CATSPERD: variants seen among roughly 807,000 people sequenced by gnomAD.
CATSPERD encodes the protein cation channel sperm-associated auxiliary subunit delta.
CATSPERD carries 86 observed loss-of-function variants against 98.1 expected under a neutral mutation model. That is an observed-to-expected ratio of 0.88 (90% CI 0.74 to 1.05). The LOEUF is 1.05. CATSPERD is among the 50% of genes least tolerant of loss of function. The probability of loss-of-function intolerance (pLI) is 0.00; values close to 1 mark genes in which losing one functional copy is unlikely to be tolerated. For synonymous variants in CATSPERD, 394 were observed against 390.2 expected (o/e 1.01, Z -0.12); for missense variants, 995 against 1,005.7 (o/e 0.99, Z 0.14).
intron 13 of CATSPERD, among the ~76,000 whole-genome samples, chr19:5,756,038 T>C (rs1427940275): frequency 6.6e-6 from 1 of 152,034 alleles, no homozygotes; most frequent in East Asian, 1.9e-4. Flanking sequence ...CCCAGCACTT[T>C]GGGAGGCCAA....
chr19:5,776,040 G>C, intron 20 of CATSPERD, 121 bp from the exon 21 acceptor site: 3 of 1,061,196 alleles, frequency 2.8e-6, no homozygotes, highest in South Asian at 3.1e-5. Flanking sequence ...TGGCCCCAGA[G>C]TCCCACCCAT....
At chr19:5,720,871 C>T in intron 1 of CATSPERD, 63 bp downstream of exon 1, 2 of 1,422,650 alleles carry the variant, frequency 1.4e-6, no homozygotes, top group Non-Finnish European at 9.5e-7. Flanking sequence ...GCTGGTTCAT[C>T]TTGGAGCCGA....
intron 18 of CATSPERD, among the ~76,000 whole-genome samples, chr19:5,768,446 C>T (rs570183636): frequency 1.3e-5 from 2 of 152,088 alleles, no homozygotes; most frequent in Non-Finnish European, 2.9e-5. Flanking sequence ...ACACCATTCT[C>T]CCGCCTCAGC....
chr19:5,768,232 A>T lies in CATSPERD; in HGVS notation c.1624A>T (p.Ile542Phe). 6.2e-7 allele frequency: 1 copy of T among 1,613,196 alleles called. No homozygotes were observed. Among genetic ancestry groups the T allele is most frequent in the Non-Finnish European group, 8.5e-7 (1 of 1,179,374 alleles). ...PLTLQDNYSF[I>F]IEKEFYDPGF... ...GACCCTGCAAGACAATTACAGCTTCATCATCGAGAAGTAAGCCAGCGTCCC... is the reference window on the plus strand; with the variant it reads ...GACCCTGCAAGACAATTACAGCTTCTTCATCGAGAAGTAAGCCAGCGTCCC... Residue 542 changes from isoleucine to phenylalanine, a missense_variant, in exon 18 of 22, where the codon ATC becomes TTC. Ile to Phe is a conservative substitution (Grantham distance 21, BLOSUM62 0). Transcript: ENST00000381624.
chr19:5,723,374 T>C (rs2055537475), intron 1 of CATSPERD, among the ~76,000 whole-genome samples: 1 of 148,982 alleles, frequency 6.7e-6, no homozygotes, highest in Admixed American at 6.7e-5. Flanking sequence ...AACCTCTGCC[T>C]CCAAGGTTCA....
At chr19:5,763,573 C>T (rs371004350) in intron 16 of CATSPERD, among the ~76,000 whole-genome samples, 14 of 152,230 alleles carry the variant, frequency 9.2e-5, no homozygotes, top group Non-Finnish European at 1.3e-4. Flanking sequence ...TGTGTGATTC[C>T]GCTCTTAGGA....
At chr19:5,746,492 G>C (rs1177780179) in intron 9 of CATSPERD, among the ~76,000 whole-genome samples, 1 of 151,790 alleles carries the variant, frequency 6.6e-6, no homozygotes, top group Non-Finnish European at 1.5e-5. Flanking sequence ...GCAGTGGCGC[G>C]ATCTTGGCCC....
rs2056155200 is a variant in CATSPERD at position 5,749,147 on chromosome 19, T to C, written c.951T>C (p.Tyr317=). Residue 317 remains tyrosine (Y), a synonymous_variant, in exon 11 of 22, where the codon TAT becomes TAC. Transcript: ENST00000381624. ...TAACTCGGGAGGATAATTTGTATTA[T>C]GGCAATCTGGGCATCGTGCCAAGTT... ...AVITREDNLY[Y]GNLGIVPSSI... The C allele has an allele frequency of 1.2e-6, 2 of 1,613,140 alleles. No homozygotes were observed. The highest frequency in any genetic ancestry group is 1.7e-6 in the Non-Finnish European group (2 of 1,179,536).
At chr19:5,743,648 G>GTC (rs148496323) in intron 7 of CATSPERD, among the ~76,000 whole-genome samples, 64,984 of 144,500 alleles carry the variant, frequency 0.45, 14,842 homozygotes, top group African/African-American at 0.51. Flanking sequence ...CTCTGTCTCT[G>GTC]TCTCTCTCTC....
chr19:5,751,306 C>A (rs1599555132), intron 11 of CATSPERD, among the ~76,000 whole-genome samples: 1 of 146,052 alleles, frequency 6.8e-6, no homozygotes, highest in South Asian at 2.2e-4. Context: ...GGGCGGATCA[C>A]GAGGTCAGGA....
In CATSPERD at chr19:5,756,379, G is replaced by A. The variant is rs114443188; in HGVS notation, c.1279-1464G>A. On this transcript the variant is annotated intron_variant, in intron 13 of 21. Transcript: ENST00000381624. The stretch of plus-strand genomic sequence containing the variant: ...ACAGAGTTTCCATTTGGGACTATGC[G>A]AAAGTTTTGGAAACAGATGGCAGTG... 6.4e-3 allele frequency among the ~76,000 whole-genome samples: 972 copies of A among 152,218 alleles called. 15 individuals are homozygous for A. Among genetic ancestry groups the A allele is most frequent in the African/African-American group, 0.022 (934 of 41,548 alleles).
In CATSPERD at chr19:5,770,953, C is replaced by T. The variant is rs758776815; in HGVS notation, c.1644C>T (p.Tyr548=). The T allele has an allele frequency of 1.1e-5, 17 of 1,607,464 alleles. No individual in the cohort carries two copies. The highest frequency in any genetic ancestry group is 3.4e-5 in the Admixed American group (2 of 58,674). ...NYSFIIEKEF[Y]DPGFQGQQSS... is the part of the protein sequence containing the mutation. ...TCTTGGTGTCTTGAAGGGAATTCTA[C>T]GACCCCGGCTTCCAGGGGCAGCAGT... Residue 548 remains tyrosine, a synonymous_variant, in exon 19 of 22, where the codon TAC becomes TAT. Transcript: ENST00000381624.
intron 7 of CATSPERD, among the ~76,000 whole-genome samples, 191 bp downstream of exon 7, chr19:5,739,630 GAGACCGGCCTGGGTGACATGGCA>G (rs2055917268): frequency 6.6e-6 from 1 of 151,672 alleles, no homozygotes; most frequent in African/African-American, 2.4e-5. Flanking sequence ...CCAGGAGTTT[GAGACCGGCCTGGGTGACATGGCA>G]AGACCCCATC....
At chr19:5,775,240 A>C (rs2056719109) in intron 20 of CATSPERD, 1 of 471,176 alleles carries the variant, frequency 2.1e-6, no homozygotes, top group Non-Finnish European at 4.4e-6. Context: ...AAGACAAAAG[A>C]AACTGTTTTA....
intron 4 of CATSPERD, among the ~76,000 whole-genome samples, chr19:5,732,929 G>A (rs2145703542): frequency 6.6e-6 from 1 of 152,066 alleles, no homozygotes; most frequent in Non-Finnish European, 1.5e-5. Context: ...CGCCTGCCTT[G>A]GCTTCCTGAA....
At chr19:5,753,579 CAGAA>C in intron 12 of CATSPERD, 1 of 390,410 alleles carries the variant, frequency 2.6e-6, no homozygotes, top group Non-Finnish European at 5.0e-6. Context: ...AAAAAAGAAA[CAGAA>C]AGAGGTCAGG....
At chr19:5,744,124 C>T (rs376287960) in intron 7 of CATSPERD, among the ~76,000 whole-genome samples, 8 of 152,064 alleles carry the variant, frequency 5.3e-5, no homozygotes, top group Non-Finnish European at 7.4e-5. Flanking sequence ...GGATTACAGG[C>T]GCCTACCACC....
chr19:5,735,624 C>T (rs1192075052), intron 5 of CATSPERD, among the ~76,000 whole-genome samples: 8 of 152,028 alleles, frequency 5.3e-5, no homozygotes, highest in Non-Finnish European at 1.2e-4. Flanking sequence ...AGGCGTGTGC[C>T]ACCACACCCA....
chr19:5,746,791 A>C (rs1250994157), intron 9 of CATSPERD, among the ~76,000 whole-genome samples: 1 of 138,774 alleles, frequency 7.2e-6, no homozygotes, highest in Non-Finnish European at 1.5e-5. Flanking sequence ...TAGTTCATGC[A>C]CAGTAAAGTT....
Sources: gnomAD v4.1 joint callset for allele counts (sites outside exome capture counted in the v4.1 genomes callset) on GRCh38, gnomAD v4.1.1 for gene constraint, MANE v1.5 for transcripts, NCBI Gene and HGNC (gene_info 2026-07-23, HGNC 2026-07-21) for gene names.